Variants in GRID2 observed in about 807,000 individuals in gnomAD.
The protein encoded by GRID2 is glutamate ionotropic receptor delta type subunit 2, also known as glutamate receptor ionotropic, delta-2.
In GRID2, 33 loss-of-function variants were observed where a neutral mutation model predicts 114.8. The observed-to-expected ratio is 0.29, with a 90% CI of 0.22 to 0.38. The LOEUF is 0.38. Ranked by LOEUF, GRID2 falls within the 10% of genes least tolerant of loss-of-function variation. The pLI is 1.00. For synonymous variants in GRID2, 505 were observed against 449.9 expected, an observed-to-expected ratio of 1.12 and a Z score of -1.55; for missense variants, 1,184 against 1,257.7, an observed-to-expected ratio of 0.94 and a Z score of 0.89.
intron 1 of GRID2, among the ~76,000 whole-genome samples, chr4:92,308,148 C>T (rs1725510933): frequency 6.6e-6 from 1 of 152,198 alleles, no homozygotes; most frequent in South Asian, 2.1e-4. Flanking sequence ...CTAAACACAA[C>T]AGGAGTTTAG....
chr4:92,351,338 G>A (rs972360207), intron 1 of GRID2, among the ~76,000 whole-genome samples: 8 of 151,634 alleles, frequency 5.3e-5, no homozygotes, highest in East Asian at 3.9e-4. Flanking sequence ...AAAAAAACTT[G>A]ATATTACAGT....
At chr4:92,384,478 A>G (rs1560598748) in intron 1 of GRID2, among the ~76,000 whole-genome samples, 2 of 57,352 alleles carry the variant, frequency 3.5e-5, no homozygotes, top group Non-Finnish European at 6.1e-5. Context: ...ATATATATAT[A>G]TTATTTATAT....
intron 6 of GRID2, among the ~76,000 whole-genome samples, chr4:93,217,946 G>A (rs1254004549): frequency 6.6e-6 from 1 of 151,656 alleles, no homozygotes; most frequent in Non-Finnish European, 1.5e-5. Context: ...GAGATTTTCA[G>A]TTTTAACAGT....
rs376785796 is a variant in GRID2, at chr4:92,717,960, AG to A, written c.244+127675del. ...GATTGTTTTAACATTAAATTTTTAT[AG>A]AGAAATATAAGGATCCCATTTTTCA... is the stretch of plus-strand genomic sequence containing the variant. On this transcript the variant is annotated intron_variant, in intron 2 of 15. Coordinates refer to ENST00000282020, the MANE Select transcript of GRID2 (RefSeq NM_001510.4). Among the ~76,000 whole-genome samples, 823 of 152,292 alleles carry A rather than the reference AG, an allele frequency of 5.4e-3. 8 individuals carry two copies. The highest frequency in any genetic ancestry group is 0.019 in the African/African-American group (799 of 41,568).
At chr4:92,782,488 T>C (rs1415033345) in intron 2 of GRID2, among the ~76,000 whole-genome samples, 8 of 152,134 alleles carry the variant, frequency 5.3e-5, no homozygotes, top group Admixed American at 5.2e-4. Flanking sequence ...AAAATTCTTA[T>C]CTGAGAATTA....
intron 8 of GRID2, among the ~76,000 whole-genome samples, chr4:93,279,386 T>C (rs937282238): frequency 1.3e-5 from 2 of 151,882 alleles, no homozygotes; most frequent in Admixed American, 6.6e-5. Context: ...CGTAAACATT[T>C]CTGTTACTCT....
chr4:92,469,339 A>G (rs1721907539), intron 1 of GRID2, among the ~76,000 whole-genome samples: 2 of 152,130 alleles, frequency 1.3e-5, no homozygotes, highest in Admixed American at 1.3e-4. Flanking sequence ...GTATCAGCAG[A>G]TAGAACTGGT....
chr4:92,700,363 C>T (rs1240933877), intron 2 of GRID2, among the ~76,000 whole-genome samples: 3 of 152,108 alleles, frequency 2.0e-5, no homozygotes, highest in African/African-American at 7.2e-5. Flanking sequence ...TCATCTTTAA[C>T]CATGCTGAAA....
chr4:93,593,736 T>A lies in GRID2; in HGVS notation c.2194-32533T>A, dbSNP rs564548381. On this transcript the variant is annotated intron_variant, in intron 13 of 15. Transcript: ENST00000282020. Reference sequence around the variant, plus strand: ...TCTTTTCACATAGTCCCATATTTCCTGGAGGCTTTGCTCGTTTCTTTTTAT... The same window carrying A: ...TCTTTTCACATAGTCCCATATTTCCAGGAGGCTTTGCTCGTTTCTTTTTAT... Among the ~76,000 whole-genome samples the A allele has an allele frequency of 4.6e-5, 7 of 152,306 alleles. No homozygotes were observed. In the South Asian group the frequency reaches 1.4e-3, roughly 32 times the overall value.
chr4:92,653,727 A>G (rs1732093999), intron 2 of GRID2, among the ~76,000 whole-genome samples: 1 of 152,126 alleles, frequency 6.6e-6, no homozygotes, highest in African/African-American at 2.4e-5. Flanking sequence ...GGGTGGGAAC[A>G]ACATCTTCAC....
chr4:92,737,139 G>A (rs188448745), intron 2 of GRID2, among the ~76,000 whole-genome samples: 6 of 152,034 alleles, frequency 3.9e-5, no homozygotes, highest in Admixed American at 3.3e-4. Flanking sequence ...CGTGACTATT[G>A]GCATGTACAG....
intron 2 of GRID2, among the ~76,000 whole-genome samples, chr4:92,717,252 A>C (rs547452991): frequency 6.6e-6 from 1 of 152,300 alleles, no homozygotes; most frequent in African/African-American, 2.4e-5. Flanking sequence ...AATACTTCCA[A>C]GGTATATGTA....
rs527770693 is a variant in GRID2 at position 92,975,156 on chromosome 4, C to CAAAAAAAAAAAAAAAAAAAAAAAAAAA, written c.245-109818_245-109817insAAAAAAAAAAAAAAAAAAAAAAAAAAA. Among the ~76,000 whole-genome samples the CAAAAAAAAAAAAAAAAAAAAAAAAAAA allele has an allele frequency of 6.4e-5, 3 of 46,678 alleles. 1 individual carries two copies. Among genetic ancestry groups the CAAAAAAAAAAAAAAAAAAAAAAAAAAA allele is most frequent in the African/African-American group, 9.8e-5 (1 of 10,196 alleles). The allele number at this position is 46,678 out of a possible 152,430, so 30.6% of individuals were successfully genotyped here. On this transcript the variant is annotated intron_variant, in intron 2 of 15. Transcript: ENST00000282020. The stretch of plus-strand genomic sequence containing the variant: ...TGGGCGACAGAGTGAGATTCCGCCT[C>CAAAAAAAAAAAAAAAAAAAAAAAAAAA]AAAAAAAAAAAAAAAAAAAAAGGTG...
chr4:93,717,641 G>A (rs373987408), intron 14 of GRID2, among the ~76,000 whole-genome samples: 17 of 152,074 alleles, frequency 1.1e-4, no homozygotes, highest in South Asian at 2.1e-4. Context: ...ATAACCATAC[G>A]TTTAAGATCA....
intron 1 of GRID2, among the ~76,000 whole-genome samples, chr4:92,341,004 T>G (rs922920404): frequency 2.0e-5 from 3 of 152,146 alleles, no homozygotes; most frequent in Admixed American, 2.0e-4. Flanking sequence ...TAAGCAAATA[T>G]TATAAATAAG....
At chr4:93,695,239 G>A in intron 14 of GRID2, among the ~76,000 whole-genome samples, 1 of 151,226 alleles carries the variant, frequency 6.6e-6, no homozygotes, top group South Asian at 2.1e-4. Flanking sequence ...AGACTTTGTC[G>A]TATTTTTCAT....
At chr4:92,886,846 T>C (rs1312841786) in intron 2 of GRID2, among the ~76,000 whole-genome samples, 1 of 152,146 alleles carries the variant, frequency 6.6e-6, no homozygotes, top group Non-Finnish European at 1.5e-5. Context: ...AGGATGGCCT[T>C]GAAAACCTGA....
intron 1 of GRID2, among the ~76,000 whole-genome samples, chr4:92,334,541 G>C (rs1727065979): frequency 6.6e-6 from 1 of 152,102 alleles, no homozygotes; most frequent in Non-Finnish European, 1.5e-5. Flanking sequence ...GAAGGCAGAA[G>C]GGCAAGAGCA....
chr4:93,543,912 A>G (rs1259499699), intron 13 of GRID2, among the ~76,000 whole-genome samples: 1 of 152,146 alleles, frequency 6.6e-6, no homozygotes, highest in African/African-American at 2.4e-5. Context: ...CAAACCACAA[A>G]AATGCAACCA....
Sources: allele counts gnomAD v4.1 joint callset (sites outside exome capture counted in the v4.1 genomes callset), GRCh38; gene constraint gnomAD v4.1.1; transcripts MANE v1.5; gene names NCBI Gene and HGNC (gene_info 2026-07-23, HGNC 2026-07-21).